The following GK5 variants were observed in gnomAD, a reference collection of about 807,000 sequenced individuals.
The protein encoded by GK5 is ATP:glycerol 3-phosphotransferase 5.
Under a neutral mutation model 77.3 loss-of-function variants are expected in GK5, and 39 were observed. The ratio of observed to expected loss-of-function variants is 0.50; its 90% confidence interval spans 0.39 to 0.66. The LOEUF (loss-of-function observed/expected upper bound fraction) is 0.66, where lower values mean the gene tolerates loss of function less well. Ranked by LOEUF, GK5 falls within the 30% of genes least tolerant of loss-of-function variation. GK5 has a pLI of 0.00. For synonymous variants in GK5, 211 were observed against 208.0 expected, an observed-to-expected ratio of 1.01 and a Z score of -0.13; for missense variants, 487 against 633.8, an observed-to-expected ratio of 0.77 and a Z score of 2.49.
chr3:142,193,992 C>T (rs1487136062), intron 5 of GK5, among the ~76,000 whole-genome samples: 1 of 152,080 alleles, frequency 6.6e-6, no homozygotes, highest in Non-Finnish European at 1.5e-5. Context: ...CCACCCCCCT[C>T]GGCCTCCCAA....
chr3:142,216,665 T>G (rs2064280318), intron 1 of GK5, among the ~76,000 whole-genome samples: 2 of 152,042 alleles, frequency 1.3e-5, no homozygotes, highest in African/African-American at 4.8e-5. Flanking sequence ...CAGAACCATC[T>G]CAGAGAGGGA....
At chr3:142,218,335 C>A (rs2064300814) in intron 1 of GK5, among the ~76,000 whole-genome samples, 1 of 148,858 alleles carries the variant, frequency 6.7e-6, no homozygotes, top group Admixed American at 6.7e-5. Flanking sequence ...GAGTTCACAA[C>A]CAGCTTGGGC....
At chr3:142,212,060 G>A (rs1278847998) in intron 3 of GK5, among the ~76,000 whole-genome samples, 1 of 152,150 alleles carries the variant, frequency 6.6e-6, no homozygotes, top group East Asian at 1.9e-4. Context: ...TACTGAATTA[G>A]AAGCCAAGTC....
chr3:142,212,755 C>T (rs1049939540), intron 3 of GK5, among the ~76,000 whole-genome samples: 7 of 147,666 alleles, frequency 4.7e-5, no homozygotes, highest in African/African-American at 1.1e-4. Flanking sequence ...CAGATGTTTA[C>T]TATACAGTAG....
chr3:142,215,509 C>A, intron 2 of GK5, 90 bp downstream of exon 2: 1 of 671,610 alleles, frequency 1.5e-6, no homozygotes, highest in South Asian at 1.9e-5. Context: ...ATATGTATAA[C>A]TTAGGAAAAC....
intron 9 of GK5, chr3:142,184,950 A>G (rs1188436569): frequency 1.0e-6 from 1 of 985,496 alleles, no homozygotes; most frequent in African/African-American, 1.7e-5. Flanking sequence ...TAGATTGAAT[A>G]AGACCGATCC....
chr3:142,186,053 A>G (rs1161918780), intron 8 of GK5, 64 bp from the exon 9 acceptor site: 11 of 1,410,060 alleles, frequency 7.8e-6, no homozygotes, highest in African/African-American at 4.3e-5. Context: ...AAAACTCAGC[A>G]AATTGTTTTT....
chr3:142,209,701 T>A (rs1194987976), intron 3 of GK5, among the ~76,000 whole-genome samples: 2 of 152,220 alleles, frequency 1.3e-5, no homozygotes, highest in African/African-American at 4.8e-5. Flanking sequence ...TTTTGTGCAA[T>A]GGGAATATAG....
At position 142,159,317 on chromosome 3, in the gene GK5, T is replaced by A. The variant is rs2108774456; in HGVS notation, c.*6305A>T. The A allele has an allele frequency of 6.6e-6, 1 of 152,344 alleles. No homozygotes were observed. The highest frequency in any genetic ancestry group is 6.5e-5 in the Admixed American group (1 of 15,302). The allele number at this position is 152,344 out of a possible 1,614,324, so 9.4% of individuals were successfully genotyped here. On this transcript the variant is annotated 3_prime_UTR_variant, in exon 16 of 16. Transcript: ENST00000392993. ...TCTGGAAAACAGTTTGGCTGTTTCTTATAAAGATAAGATTCATTTAAATGG... is the reference window on the plus strand; with the variant it reads ...TCTGGAAAACAGTTTGGCTGTTTCTAATAAAGATAAGATTCATTTAAATGG...
At chr3:142,175,814 T>TA (rs2063601794) in intron 12 of GK5, among the ~76,000 whole-genome samples, 1 of 148,966 alleles carries the variant, frequency 6.7e-6, no homozygotes, top group Non-Finnish European at 1.5e-5. Flanking sequence ...GTTTAAAACT[T>TA]AAAAAAATAT....
intron 3 of GK5, among the ~76,000 whole-genome samples, chr3:142,212,115 C>A (rs2064195490): frequency 6.6e-6 from 1 of 152,172 alleles, no homozygotes; most frequent in African/African-American, 2.4e-5. Flanking sequence ...CATCTTTTCC[C>A]CCTCTGCTCA....
rs146285315 is a variant in GK5 at position 142,182,975 on chromosome 3, A to G, written c.891T>C (p.Thr297=). The change falls in exon 10 of 16, where the codon ACT becomes ACC. Residue 297 remains threonine, a synonymous_variant. Coordinates refer to ENST00000392993, the MANE Select transcript of GK5 (RefSeq NM_001039547.3). The part of the protein sequence containing the change: ...QTGDVKLTMG[T]GTFLDINTGN... The stretch of plus-strand genomic sequence containing the variant: ...CAGTGTTAATATCCAAAAATGTCCC[A>G]GTTCCCATGGTTAATTTCACATCAC... 2 of 1,613,160 alleles carry G rather than the reference A, an allele frequency of 1.2e-6. No homozygotes were observed. Among genetic ancestry groups the G allele is most frequent in the South Asian group, 2.2e-5 (2 of 91,070 alleles).
chr3:142,208,875 C>G (rs7625231), intron 3 of GK5, among the ~76,000 whole-genome samples: 7 of 152,118 alleles, frequency 4.6e-5, no homozygotes, highest in Non-Finnish European at 8.8e-5. Context: ...AGAGGCCGGG[C>G]GTGGTGGCTC....
chr3:142,206,255 T>G (rs1363252769), intron 3 of GK5, among the ~76,000 whole-genome samples: 1 of 152,220 alleles, frequency 6.6e-6, no homozygotes, highest in East Asian at 1.9e-4. Context: ...GTCTTTGTTT[T>G]CAATTTTTTT....
Position 142,182,922 on chromosome 3 carries a change from C to T in GK5, c.943+1G>A. ...AAATAGGATAAATCCTAACTACTTA[C>T]CTCCAGTAGTCTGTTGAAGGCTATT... On this transcript the variant is annotated splice_donor_variant, in intron 10 of 15. Transcript: ENST00000392993. LOFTEE classifies it high-confidence loss of function. 2 of 1,601,410 alleles carry T rather than the reference C, an allele frequency of 1.2e-6. No individual in the cohort carries two copies. Among genetic ancestry groups the T allele is most frequent in the Non-Finnish European group, 1.7e-6 (2 of 1,168,712 alleles).
rs954710272 is a variant in GK5, at chr3:142,220,220, C to A, written c.148-4528G>T. 5.9e-5 allele frequency among the ~76,000 whole-genome samples: 9 copies of A among 152,188 alleles called. No individual in the cohort carries two copies. In the East Asian group the frequency reaches 1.7e-3, roughly 29 times the overall value. On this transcript the variant is annotated intron_variant, in intron 1 of 15. Transcript: ENST00000392993. ...TGGCGCAATGTCAGCTCACTGCAAGCTCCACCTCCCGGGTTCACACTTCTC... is the reference window on the plus strand; with the variant it reads ...TGGCGCAATGTCAGCTCACTGCAAGATCCACCTCCCGGGTTCACACTTCTC...
At chr3:142,213,854 ACT>A (rs1357940995) in intron 2 of GK5, among the ~76,000 whole-genome samples, 1 of 151,968 alleles carries the variant, frequency 6.6e-6, no homozygotes, top group Non-Finnish European at 1.5e-5. Context: ...ACAAAGTGTC[ACT>A]CTGTTGCCCA....
At chr3:142,180,764 A>G (rs540251650) in intron 11 of GK5, among the ~76,000 whole-genome samples, 21 of 152,272 alleles carry the variant, frequency 1.4e-4, no homozygotes, top group Non-Finnish European at 2.9e-4. Context: ...TAGCCAGAAC[A>G]CCAATATGGG....
chr3:142,223,950 T>C (rs2107802723), intron 1 of GK5, among the ~76,000 whole-genome samples: 1 of 152,088 alleles, frequency 6.6e-6, no homozygotes. Flanking sequence ...CCTGGGCAAG[T>C]GCTACAAAGA....
Sources: allele counts gnomAD v4.1 joint callset (sites outside exome capture counted in the v4.1 genomes callset), GRCh38; gene constraint gnomAD v4.1.1; transcripts MANE v1.5; gene names NCBI Gene and HGNC (gene_info 2026-07-23, HGNC 2026-07-21).